The following CUL5 variants were observed in gnomAD, a reference collection of about 807,000 sequenced individuals.
CUL5 encodes cullin-5.
In CUL5, 26 loss-of-function variants were observed where a neutral mutation model predicts 108.8. The ratio of observed to expected loss-of-function variants is 0.24; its 90% CI spans 0.18 to 0.33. CUL5 has a LOEUF of 0.33. Among genes scored for constraint, CUL5 ranks in the 10% least tolerant of loss-of-function variants. The pLI is 1.00. For missense variants in CUL5, 524 were observed against 909.2 expected (o/e 0.58, Z 5.45); for synonymous variants, 334 against 298.0 (o/e 1.12, Z -1.25).
In CUL5 at chr11:108,099,128, C is replaced by T. The variant is rs375729688; in HGVS notation, c.2148+599C>T. 5.9e-5 allele frequency among the ~76,000 whole-genome samples: 9 copies of T among 151,878 alleles called. 1 individual carries two copies. In the East Asian group the frequency reaches 1.6e-3, roughly 26 times the overall value. ...CAAAGGATCCTCCCACCTCTGCCTC[C>T]GGATTAGCTGGGACCACAGGCATGC... On this transcript the variant is annotated intron_variant, in intron 18 of 18. Transcript: ENST00000393094.
chr11:108,067,150 AT>A (rs896708902), intron 7 of CUL5, among the ~76,000 whole-genome samples: 7 of 152,360 alleles, frequency 4.6e-5, no homozygotes, highest in Non-Finnish European at 8.8e-5. Flanking sequence ...TAAAGTAAGT[AT>A]CTGCCTCATG....
Position 108,009,027 on chromosome 11 carries a change from G to T in CUL5, c.-322G>T. 1 of 419,956 alleles carries T rather than the reference G, an allele frequency of 2.4e-6. No individual in the cohort carries two copies. Among genetic ancestry groups the T allele is most frequent in the Non-Finnish European group, 4.3e-6 (1 of 233,214 alleles). The allele number at this position is 419,956 out of a possible 1,614,324, so 26.0% of individuals were successfully genotyped here. A position where few individuals can be genotyped will look rare whatever the true frequency, so the allele number is the denominator to read the frequency against. On this transcript the variant is annotated 5_prime_UTR_variant, in exon 1 of 19. It adds an upstream start codon to the 5' untranslated region. Transcript: ENST00000393094. ...AAGGCTAATCCGAAGGAGTCGGGGA[G>T]GCTCGTGGAGTCGATGCTTCCTCTT... is the stretch of plus-strand genomic sequence containing the variant.
intron 15 of CUL5, among the ~76,000 whole-genome samples, 182 bp downstream of exon 15, chr11:108,095,169 A>G (rs890632291): frequency 1.3e-5 from 2 of 152,210 alleles, no homozygotes; most frequent in African/African-American, 4.8e-5. Context: ...CATCATACTT[A>G]AGATACTGCC....
intron 7 of CUL5, among the ~76,000 whole-genome samples, chr11:108,064,524 A>T (rs954087435): frequency 2.0e-5 from 3 of 152,158 alleles, no homozygotes; most frequent in Admixed American, 1.3e-4. Flanking sequence ...CCTGGCCAAC[A>T]TGGTGAAACC....
chr11:108,077,596 A>AC (rs1214843948), intron 10 of CUL5, among the ~76,000 whole-genome samples: 2 of 149,046 alleles, frequency 1.3e-5, no homozygotes, highest in Non-Finnish European at 1.5e-5. Flanking sequence ...GCACCACTGC[A>AC]CTGCAGCCTG....
intron 1 of CUL5, among the ~76,000 whole-genome samples, chr11:108,024,626 A>C (rs75176020): frequency 2.1e-3 from 323 of 152,336 alleles, no homozygotes; most frequent in African/African-American, 7.2e-3. Context: ...AGAAGATACA[A>C]ATGCTGAACT....
At chr11:108,063,772 C>T (rs1443383511) in intron 7 of CUL5, among the ~76,000 whole-genome samples, 2 of 152,116 alleles carry the variant, frequency 1.3e-5, no homozygotes, top group Non-Finnish European at 2.9e-5. Flanking sequence ...ATTGCTGGAT[C>T]ATAAGGTAGC....
At chr11:108,025,770 A>G (rs1274647761) in intron 1 of CUL5, among the ~76,000 whole-genome samples, 1 of 152,180 alleles carries the variant, frequency 6.6e-6, no homozygotes, top group Admixed American at 6.5e-5. Context: ...ATAGATACCC[A>G]GAGCTCCCTT....
intron 1 of CUL5, 82 bp downstream of exon 1, chr11:108,009,454 T>C: frequency 1.4e-6 from 2 of 1,480,294 alleles, no homozygotes; most frequent in Non-Finnish European, 1.9e-6. Context: ...CAGGTTCAGC[T>C]GCGAAGTGTG....
At chr11:108,050,208 GAAT>G (rs977548435) in intron 4 of CUL5, 142 bp downstream of exon 4, 3 of 601,506 alleles carry the variant, frequency 5.0e-6, no homozygotes, top group Non-Finnish European at 8.4e-6. Flanking sequence ...AGATTTTATT[GAAT>G]AATATTCTTT....
chr11:108,035,380 A>G (rs1325194714), intron 2 of CUL5, among the ~76,000 whole-genome samples: 1 of 152,194 alleles, frequency 6.6e-6, no homozygotes, highest in African/African-American at 2.4e-5. Context: ...GAGGTGGTCC[A>G]GCCAGAATCC....
At chr11:108,078,351 T>A (rs575165900) in intron 11 of CUL5, 111 bp downstream of exon 11, 1 of 506,082 alleles carries the variant, frequency 2.0e-6, no homozygotes. Flanking sequence ...ATTGTTAGTT[T>A]TGTGACTTTT....
At chr11:108,023,577 C>T (rs763465242) in intron 1 of CUL5, among the ~76,000 whole-genome samples, 5 of 152,074 alleles carry the variant, frequency 3.3e-5, no homozygotes, top group Non-Finnish European at 5.9e-5. Flanking sequence ...TGGGACCCTT[C>T]GGGAGTCCAT....
At chr11:108,076,589 A>T (rs756750140) in intron 10 of CUL5, among the ~76,000 whole-genome samples, 1 of 152,032 alleles carries the variant, frequency 6.6e-6, no homozygotes, top group African/African-American at 2.4e-5. Flanking sequence ...GGCTTCCGTC[A>T]TATATATGTA....
intron 2 of CUL5, among the ~76,000 whole-genome samples, chr11:108,044,006 A>G (rs1255260919): frequency 6.6e-6 from 1 of 152,086 alleles, no homozygotes; most frequent in African/African-American, 2.4e-5. Context: ...CTGGGCAACA[A>G]GAGTGAAACT....
chr11:108,016,207 G>A (rs550573195), intron 1 of CUL5, among the ~76,000 whole-genome samples: 241 of 151,994 alleles, frequency 1.6e-3, no homozygotes, highest in African/African-American at 5.4e-3. Flanking sequence ...GAGCAAAAGA[G>A]CTAGTCAGCC....
intron 1 of CUL5, among the ~76,000 whole-genome samples, chr11:108,030,017 GTTCT>G (rs1862540813): frequency 6.6e-6 from 1 of 152,134 alleles, no homozygotes; most frequent in Admixed American, 6.5e-5. Flanking sequence ...CAAGAAAAGT[GTTCT>G]TTCTATGGTT....
intron 2 of CUL5, among the ~76,000 whole-genome samples, chr11:108,037,590 A>G (rs1277769828): frequency 6.6e-6 from 1 of 152,210 alleles, no homozygotes; most frequent in African/African-American, 2.4e-5. Flanking sequence ...CAGAGGAGTC[A>G]CACATTAAGC....
intron 13 of CUL5, among the ~76,000 whole-genome samples, chr11:108,090,985 GA>G (rs1195998216): frequency 2.0e-5 from 3 of 152,056 alleles, no homozygotes; most frequent in African/African-American, 7.2e-5. Context: ...GGAAAAAGGG[GA>G]AAATAGCAAA....
Sources: allele counts gnomAD v4.1 joint callset (sites outside exome capture counted in the v4.1 genomes callset), GRCh38; gene constraint gnomAD v4.1.1; transcripts MANE v1.5; gene names NCBI Gene and HGNC (gene_info 2026-07-23, HGNC 2026-07-21).